The following CA10 variants were observed in gnomAD, a reference collection of about 807,000 sequenced individuals.
CA10 encodes the protein carbonic anhydrase-related protein 10.
CA10 carries 14 observed loss-of-function variants against 44.2 expected under a neutral mutation model. The ratio of observed to expected loss-of-function variants is 0.32; its 90% CI spans 0.21 to 0.50. The LOEUF (loss-of-function observed/expected upper bound fraction) is 0.50, where lower values mean the gene tolerates loss of function less well. CA10 is among the 20% of genes least tolerant of loss of function. The probability of loss-of-function intolerance (pLI) is 0.99; values close to 1 mark genes in which losing one functional copy is unlikely to be tolerated. For missense variants in CA10, 350 were observed against 409.7 expected (o/e 0.85, Z 1.26); for synonymous variants, 159 against 141.6 (o/e 1.12, Z -0.87).
chr17:51,666,262 G>A (rs1047682817), intron 4 of CA10, among the ~76,000 whole-genome samples: 1 of 152,224 alleles, frequency 6.6e-6, no homozygotes, highest in Non-Finnish European at 1.5e-5. Context: ...GTAAGAGGAA[G>A]AGGCTGGAGC....
chr17:51,969,823 A>C (rs1984215321), intron 2 of CA10, among the ~76,000 whole-genome samples: 1 of 152,124 alleles, frequency 6.6e-6, no homozygotes, highest in Admixed American at 6.6e-5. Flanking sequence ...AGGCAGAGGC[A>C]AACAGTACTA....
chr17:51,746,366 G>C (rs569749571), intron 4 of CA10, among the ~76,000 whole-genome samples: 1 of 152,282 alleles, frequency 6.6e-6, no homozygotes, highest in South Asian at 2.1e-4. Flanking sequence ...GCCTTAGAAG[G>C]CTCAAGTAAC....
intron 1 of CA10, among the ~76,000 whole-genome samples, chr17:52,092,177 A>G (rs1464299986): frequency 6.6e-6 from 1 of 151,706 alleles, no homozygotes; most frequent in Non-Finnish European, 1.5e-5. Context: ...TATTTTTCTC[A>G]GTGTCTATCT....
chr17:51,867,244 A>C (rs1285407092), intron 3 of CA10, among the ~76,000 whole-genome samples: 1 of 152,194 alleles, frequency 6.6e-6, no homozygotes, highest in Admixed American at 6.5e-5. Context: ...TGCTCCTGGT[A>C]CTGATGACTC....
At chr17:51,888,022 C>G (rs1309675015) in intron 3 of CA10, among the ~76,000 whole-genome samples, 1 of 151,030 alleles carries the variant, frequency 6.6e-6, no homozygotes, top group Non-Finnish European at 1.5e-5. Flanking sequence ...GAGACTCCAT[C>G]TCAAGAAAAC....
At chr17:52,065,005 C>T (rs1256365350) in intron 2 of CA10, among the ~76,000 whole-genome samples, 1 of 152,198 alleles carries the variant, frequency 6.6e-6, no homozygotes, top group South Asian at 2.1e-4. Flanking sequence ...CTTTATGTGG[C>T]CCACAAGGCC....
intron 2 of CA10, among the ~76,000 whole-genome samples, chr17:51,964,062 G>A (rs951130292): frequency 6.6e-6 from 1 of 151,938 alleles, no homozygotes; most frequent in African/African-American, 2.4e-5. Flanking sequence ...GTAAAGGGCT[G>A]GAGAAGGTTC....
chr17:51,670,264 C>T (rs1914366923), intron 4 of CA10, among the ~76,000 whole-genome samples: 1 of 152,182 alleles, frequency 6.6e-6, no homozygotes, highest in South Asian at 2.1e-4. Context: ...CCAGCAGGGT[C>T]CTCAATGCCC....
At chr17:51,896,569 A>T (rs1014670163) in intron 3 of CA10, among the ~76,000 whole-genome samples, 2 of 152,120 alleles carry the variant, frequency 1.3e-5, no homozygotes, top group African/African-American at 4.8e-5. Context: ...TCTTTATGGC[A>T]GCACAATTTA....
intron 2 of CA10, among the ~76,000 whole-genome samples, chr17:51,974,951 A>G (rs1984412733): frequency 6.6e-6 from 1 of 152,346 alleles, no homozygotes; most frequent in African/African-American, 2.4e-5. Context: ...TTTTTATGTT[A>G]AAGGACGATG....
At chr17:51,679,110 AAGTATAC>A (rs1477000747) in intron 4 of CA10, among the ~76,000 whole-genome samples, 5 of 152,200 alleles carry the variant, frequency 3.3e-5, no homozygotes, top group Admixed American at 3.3e-4. Context: ...GGACACAAAC[AAGTATAC>A]AGTAAACCAC....
chr17:51,898,112 AG>A (rs769413150), intron 3 of CA10, among the ~76,000 whole-genome samples: 1 of 152,134 alleles, frequency 6.6e-6, no homozygotes, highest in African/African-American at 2.4e-5. Context: ...GTTGAATAGA[AG>A]TGGTGAGGCT....
chr17:52,068,843 C>T (rs1314105734), intron 2 of CA10, among the ~76,000 whole-genome samples: 2 of 152,178 alleles, frequency 1.3e-5, no homozygotes, highest in African/African-American at 4.8e-5. Flanking sequence ...ATCACATATG[C>T]ATGACTATAT....
At chr17:51,727,894 A>G (rs888460630) in intron 4 of CA10, among the ~76,000 whole-genome samples, 5 of 152,152 alleles carry the variant, frequency 3.3e-5, no homozygotes, top group Non-Finnish European at 1.5e-5. Flanking sequence ...AAGACTTAAA[A>G]AAATTTTTTT....
At chr17:51,915,837 G>A (rs1374153056) in intron 3 of CA10, among the ~76,000 whole-genome samples, 1 of 151,922 alleles carries the variant, frequency 6.6e-6, no homozygotes, top group Admixed American at 6.6e-5. Flanking sequence ...AATCGCAAAA[G>A]GAAAGCTTGG....
chr17:52,105,776 A>G (rs1458891341), intron 1 of CA10, among the ~76,000 whole-genome samples: 2 of 152,144 alleles, frequency 1.3e-5, no homozygotes, highest in African/African-American at 2.4e-5. Flanking sequence ...TTAGCATTTT[A>G]TGTGTGTGTG....
chr17:51,776,185 G>A (rs747134586), intron 3 of CA10, among the ~76,000 whole-genome samples: 4 of 152,032 alleles, frequency 2.6e-5, no homozygotes, highest in Admixed American at 6.6e-5. Context: ...CGTGGCAAAA[G>A]CCTGTCTCTA....
At chr17:51,765,737 A>ATGTG (rs1555597234) in intron 3 of CA10, among the ~76,000 whole-genome samples, 28 of 94,656 alleles carry the variant, frequency 3.0e-4, no homozygotes, top group East Asian at 2.1e-3. Flanking sequence ...GTGTGTGTGC[A>ATGTG]TGCATGTGTT....
At position 51,689,120 on chromosome 17, in the gene CA10, G is replaced by C. The variant is rs77675546; in HGVS notation, c.466-35384C>G. Reference sequence around the variant, plus strand: ...CCCTCAGAGAAAGGGAGCACCCTATGGACAGAGACCTTGGCTCACTTATGT... The same window carrying C: ...CCCTCAGAGAAAGGGAGCACCCTATCGACAGAGACCTTGGCTCACTTATGT... On this transcript the variant is annotated intron_variant, in intron 4 of 8. Transcript: ENST00000451037. Among the ~76,000 whole-genome samples, 906 of 152,272 alleles carry C rather than the reference G, an allele frequency of 5.9e-3. 5 individuals are homozygous for C. Among genetic ancestry groups the C allele is most frequent in the Admixed American group, 9.2e-3 (140 of 15,294 alleles).
Sources: gnomAD v4.1 joint callset for allele counts (sites outside exome capture counted in the v4.1 genomes callset) on GRCh38, gnomAD v4.1.1 for gene constraint, MANE v1.5 for transcripts, NCBI Gene and HGNC (gene_info 2026-07-23, HGNC 2026-07-21) for gene names.